HYAL4: variants seen among roughly 807,000 people sequenced by gnomAD.
The protein encoded by HYAL4 is hyaluronidase 4, also known as hyaluronidase-4.
In HYAL4, 37 loss-of-function variants were observed where a neutral mutation model predicts 35.2. The observed-to-expected ratio is 1.05, with a 90% CI of 0.81 to 1.38. The LOEUF is 1.38. HYAL4 is among the 40% of genes most tolerant of loss of function. The pLI is 0.00. For missense variants in HYAL4, 572 were observed against 572.4 expected, an observed-to-expected ratio of 1.00 and a Z score of 0.01; for synonymous variants, 198 against 203.2, an observed-to-expected ratio of 0.97 and a Z score of 0.22.
chr7:123,846,041 T>C (rs1167178298), intron 1 of HYAL4, among the ~76,000 whole-genome samples: 1 of 152,206 alleles, frequency 6.6e-6, no homozygotes. Context: ...CAGCACCTGC[T>C]CTGGTGGAGG....
the HYAL4 span, among the ~76,000 whole-genome samples, chr7:123,800,889 G>A: frequency 6.6e-6 from 1 of 151,688 alleles, no homozygotes; most frequent in Non-Finnish European, 1.5e-5. Context: ...TTGAGCTCCT[G>A]ACCTCAGGAG....
chr7:123,809,333 A>G, the HYAL4 span, among the ~76,000 whole-genome samples: 3 of 151,734 alleles, frequency 2.0e-5, no homozygotes, highest in Non-Finnish European at 4.4e-5. Flanking sequence ...CTGTCCTCCA[A>G]GTGCACTGCG....
At chr7:123,765,113 TTAA>T in the HYAL4 span, among the ~76,000 whole-genome samples, 1 of 152,172 alleles carries the variant, frequency 6.6e-6, no homozygotes, top group Non-Finnish European at 1.5e-5. Context: ...TAATTTTTAA[TTAA>T]TAAAAATCAA....
chr7:123,804,706 T>A, the HYAL4 span, among the ~76,000 whole-genome samples: 1 of 152,146 alleles, frequency 6.6e-6, no homozygotes, highest in Non-Finnish European at 1.5e-5. Flanking sequence ...GGGCGGGATT[T>A]TGTGTCCATC....
chr7:123,852,994 A>T (rs944700986), intron 2 of HYAL4, among the ~76,000 whole-genome samples: 1 of 152,090 alleles, frequency 6.6e-6, no homozygotes, highest in Admixed American at 6.6e-5. Flanking sequence ...TTCTCTTTGT[A>T]GCAATTGTGA....
At chr7:123,825,140 A>G (rs1464859557), upstream of HYAL4, among the ~76,000 whole-genome samples, 3 of 151,770 alleles carry the variant, frequency 2.0e-5, no homozygotes, top group Non-Finnish European at 2.9e-5. Flanking sequence ...ATATATATCT[A>G]TGATAAATCT....
At chr7:123,772,744 T>C in the HYAL4 span, among the ~76,000 whole-genome samples, 1 of 152,316 alleles carries the variant, frequency 6.6e-6, no homozygotes, top group Admixed American at 6.5e-5. Context: ...AATGGAATTA[T>C]AGAAAATTGT....
At chr7:123,875,994 G>A (rs368661943) in intron 4 of HYAL4, 27 of 456,634 alleles carry the variant, frequency 5.9e-5, no homozygotes, top group African/African-American at 5.0e-4. Context: ...GAATTAGGTA[G>A]AAACTGAGAG....
chr7:123,853,764 C>A (rs1220686019), intron 2 of HYAL4, among the ~76,000 whole-genome samples: 1 of 152,156 alleles, frequency 6.6e-6, no homozygotes, highest in East Asian at 1.9e-4. Flanking sequence ...GGAGGATTCC[C>A]TGTTTTTCTA....
intron 2 of HYAL4, among the ~76,000 whole-genome samples, chr7:123,852,407 T>A (rs1038254967): frequency 1.6e-4 from 25 of 152,164 alleles, no homozygotes; most frequent in Non-Finnish European, 3.7e-4. Context: ...TCTTGAGTTA[T>A]TTTTTGTATA....
chr7:123,799,162 T>C, the HYAL4 span, among the ~76,000 whole-genome samples: 1 of 152,176 alleles, frequency 6.6e-6, no homozygotes, highest in African/African-American at 2.4e-5. Flanking sequence ...CTTTTAGTAT[T>C]GATAAAGTAA....
At chr7:123,791,496 AT>A in the HYAL4 span, among the ~76,000 whole-genome samples, 11 of 152,214 alleles carry the variant, frequency 7.2e-5, no homozygotes, top group Non-Finnish European at 1.2e-4. Context: ...GATAAGCTCA[AT>A]ATCAGTGATT....
chr7:123,871,254 C>T (rs1053149473), intron 3 of HYAL4, among the ~76,000 whole-genome samples: 8 of 150,602 alleles, frequency 5.3e-5, no homozygotes, highest in Admixed American at 2.0e-4. Flanking sequence ...TGCAGTGGCG[C>T]GATTTCGGCT....
At chr7:123,861,052 A>C (rs937290561) in intron 2 of HYAL4, among the ~76,000 whole-genome samples, 20 of 152,250 alleles carry the variant, frequency 1.3e-4, no homozygotes, top group African/African-American at 4.8e-4. Context: ...GACCTCTCAA[A>C]TGTTTGCCTT....
the HYAL4 span, among the ~76,000 whole-genome samples, chr7:123,775,794 A>C: frequency 6.6e-6 from 1 of 151,950 alleles, no homozygotes; most frequent in Non-Finnish European, 1.5e-5. Context: ...TTTTTTGATC[A>C]TTCTCCAGAT....
chr7:123,803,143 C>T, the HYAL4 span, among the ~76,000 whole-genome samples: 13 of 152,272 alleles, frequency 8.5e-5, no homozygotes, highest in African/African-American at 3.1e-4. Flanking sequence ...CCACAGACTC[C>T]ATGGGCAAGG....
the HYAL4 span, among the ~76,000 whole-genome samples, chr7:123,766,625 GTTTTA>G: frequency 6.6e-6 from 1 of 151,974 alleles, no homozygotes; most frequent in South Asian, 2.1e-4. Flanking sequence ...TATATTGATG[GTTTTA>G]TTTGATTATA....
rs1285631261 is a variant in HYAL4 at position 123,868,790 on chromosome 7, G to A, written c.517G>A (p.Asp173Asn). The change falls in exon 3 of 5, where the codon GAT becomes AAT. Residue 173 changes from aspartate (D) to asparagine (N), a missense_variant. By Grantham distance (23) the Asp-to-Asn change is conservative (BLOSUM62 1). Coordinates refer to ENST00000223026, the MANE Select transcript of HYAL4 (RefSeq NM_012269.3). Reference protein sequence around the residue: ...YRQKSRKLISDMGKNVSATDI... With the variant: ...YRQKSRKLISNMGKNVSATDI... ...ACAGAAGTCAAGAAAGCTTATTTCC[G>A]ATATGGGAAAGAATGTATCAGCTAC... 4.3e-6 allele frequency: 7 copies of A among 1,614,170 alleles called. No homozygotes were observed. Among genetic ancestry groups the A allele is most frequent in the Admixed American group, 3.3e-5 (2 of 60,024 alleles).
At chr7:123,872,096 C>G (rs186508969) in intron 3 of HYAL4, among the ~76,000 whole-genome samples, 19 of 152,166 alleles carry the variant, frequency 1.2e-4, no homozygotes, top group Admixed American at 9.2e-4. Context: ...TTCTAGTGTA[C>G]CCATCACCCG....
Sources: gnomAD v4.1 joint callset for allele counts (sites outside exome capture counted in the v4.1 genomes callset) on GRCh38, gnomAD v4.1.1 for gene constraint, MANE v1.5 for transcripts, NCBI Gene and HGNC (gene_info 2026-07-23, HGNC 2026-07-21) for gene names.